AGBL4: variants seen among roughly 807,000 people sequenced by gnomAD.
The protein encoded by AGBL4 is cytosolic carboxypeptidase 6.
A neutral mutation model predicts 66.4 loss-of-function variants in AGBL4; 58 were observed. The observed-to-expected ratio is 0.87, with a 90% confidence interval of 0.71 to 1.09. The LOEUF is 1.09. Ranked by LOEUF, AGBL4 falls within the 50% of genes least tolerant of loss-of-function variation. The pLI, the probability that AGBL4 is intolerant of heterozygous loss-of-function variation, is 0.00. For synonymous variants in AGBL4, 234 were observed against 222.9 expected (o/e 1.05, Z -0.44); for missense variants, 579 against 631.0 (o/e 0.92, Z 0.88).
At chr1:49,097,063 C>G (rs1571438676) in intron 4 of AGBL4, among the ~76,000 whole-genome samples, 1 of 152,224 alleles carries the variant, frequency 6.6e-6, no homozygotes, top group Admixed American at 6.5e-5. Context: ...TTCTTAGCTT[C>G]AGAATTGTAA....
At chr1:49,191,215 A>C (rs1570003987) in intron 4 of AGBL4, among the ~76,000 whole-genome samples, 1 of 152,216 alleles carries the variant, frequency 6.6e-6, no homozygotes, top group East Asian at 1.9e-4. Context: ...CTTACAAAAC[A>C]TTCTCTAAAT....
At chr1:49,837,672 C>T (rs1260335383) in intron 2 of AGBL4, among the ~76,000 whole-genome samples, 1 of 152,014 alleles carries the variant, frequency 6.6e-6, no homozygotes, top group Non-Finnish European at 1.5e-5. Context: ...AGTGAAACCC[C>T]GTCTCTACTA....
At chr1:49,390,013 C>A (rs1259291684) in intron 3 of AGBL4, among the ~76,000 whole-genome samples, 1 of 152,114 alleles carries the variant, frequency 6.6e-6, no homozygotes, top group African/African-American at 2.4e-5. Context: ...GTCCCTTGGA[C>A]TCTGTTTCTA....
chr1:49,332,372 A>G (rs761161279), intron 3 of AGBL4, among the ~76,000 whole-genome samples: 9 of 152,198 alleles, frequency 5.9e-5, no homozygotes, highest in East Asian at 1.9e-4. Flanking sequence ...CAAATAAAAC[A>G]CCAGGCCAGA....
rs550970880 is a variant in AGBL4, at chr1:48,982,483, G to A, written c.594+63101C>T. Among the ~76,000 whole-genome samples, 11 of 152,192 alleles carry A rather than the reference G, an allele frequency of 7.2e-5. No homozygotes were observed. In the South Asian group the frequency reaches 2.1e-3, roughly 29 times the overall value. On this transcript the variant is annotated intron_variant, in intron 5 of 13. Coordinates refer to ENST00000371839, the MANE Select transcript of AGBL4 (RefSeq NM_032785.4). ...GTCCTTGTGATAGTTTGCTGAGAAT[G>A]ATGGTTTCCAGCTTCATCCATGTCC...
intron 6 of AGBL4, among the ~76,000 whole-genome samples, chr1:48,802,954 C>T (rs1391684099): frequency 6.6e-6 from 1 of 152,230 alleles, no homozygotes; most frequent in Non-Finnish European, 1.5e-5. Context: ...GCATGCCTAA[C>T]CTGATCCACC....
intron 3 of AGBL4, among the ~76,000 whole-genome samples, chr1:49,320,170 A>T (rs1249328488): frequency 1.3e-5 from 2 of 152,060 alleles, no homozygotes; most frequent in African/African-American, 4.8e-5. Flanking sequence ...GGCACAAGCA[A>T]TTCACCCACC....
At chr1:49,265,696 T>C (rs17785166) in intron 3 of AGBL4, among the ~76,000 whole-genome samples, 66,436 of 151,930 alleles carry the variant, frequency 0.44, 17,035 homozygotes, top group Non-Finnish European at 0.58. Context: ...TAGGGAACAA[T>C]AAAAGACTAC....
At chr1:48,999,901 G>A (rs1038007414) in intron 5 of AGBL4, among the ~76,000 whole-genome samples, 1 of 152,016 alleles carries the variant, frequency 6.6e-6, no homozygotes, top group African/African-American at 2.4e-5. Context: ...TTCTATTAAA[G>A]CCATACTTGG....
intron 5 of AGBL4, among the ~76,000 whole-genome samples, chr1:49,012,003 C>A (rs1312259327): frequency 1.3e-5 from 2 of 150,234 alleles, no homozygotes; most frequent in African/African-American, 4.9e-5. Context: ...GCACAATGTG[C>A]ACATGTACCC....
chr1:48,698,848 T>C (rs1417761218), intron 6 of AGBL4, among the ~76,000 whole-genome samples: 2 of 152,182 alleles, frequency 1.3e-5, no homozygotes, highest in African/African-American at 4.8e-5. Flanking sequence ...AGAAGTTAAA[T>C]AACTGGTCAC....
intron 6 of AGBL4, among the ~76,000 whole-genome samples, chr1:48,840,338 C>T (rs1646771328): frequency 6.6e-6 from 1 of 152,132 alleles, no homozygotes; most frequent in Non-Finnish European, 1.5e-5. Context: ...CAATGCGTAC[C>T]TGCTTATTGA....
At chr1:49,133,499 A>G (rs1645944132) in intron 4 of AGBL4, among the ~76,000 whole-genome samples, 1 of 152,222 alleles carries the variant, frequency 6.6e-6, no homozygotes, top group South Asian at 2.1e-4. Flanking sequence ...AAGTTGTTCA[A>G]TCTCATTAGT....
chr1:49,664,541 A>G (rs1646326703), intron 3 of AGBL4, among the ~76,000 whole-genome samples: 1 of 152,114 alleles, frequency 6.6e-6, no homozygotes, highest in African/African-American at 2.4e-5. Context: ...AACATAGCTA[A>G]TCTATTATTA....
chr1:49,210,485 C>T (rs1407680316), intron 4 of AGBL4, among the ~76,000 whole-genome samples: 1 of 152,018 alleles, frequency 6.6e-6, no homozygotes, highest in Non-Finnish European at 1.5e-5. Context: ...AATAGCAGCA[C>T]AATATGAACA....
intron 1 of AGBL4, among the ~76,000 whole-genome samples, chr1:49,901,396 C>T (rs982923924): frequency 1.3e-5 from 2 of 152,128 alleles, no homozygotes; most frequent in African/African-American, 4.8e-5. Flanking sequence ...TATACACCAA[C>T]AACATCCAAG....
chr1:49,755,833 A>G (rs1035856777), intron 2 of AGBL4, among the ~76,000 whole-genome samples: 1 of 152,170 alleles, frequency 6.6e-6, no homozygotes, highest in Non-Finnish European at 1.5e-5. Flanking sequence ...TATCACCCAT[A>G]TTTGTGCCAG....
intron 6 of AGBL4, among the ~76,000 whole-genome samples, chr1:48,815,472 C>G (rs1171052280): frequency 6.6e-6 from 1 of 152,020 alleles, no homozygotes. Context: ...TCAGTAGGAA[C>G]TAATTTTGAA....
intron 1 of AGBL4, among the ~76,000 whole-genome samples, chr1:50,008,993 G>A (rs997770312): frequency 9.2e-5 from 14 of 152,058 alleles, no homozygotes; most frequent in African/African-American, 3.4e-4. Context: ...AAGTAATGAG[G>A]TAGAAGCCAT....
Sources: allele counts gnomAD v4.1 joint callset (sites outside exome capture counted in the v4.1 genomes callset), GRCh38; gene constraint gnomAD v4.1.1; transcripts MANE v1.5; gene names NCBI Gene and HGNC (gene_info 2026-07-23, HGNC 2026-07-21).